The following CCDC92B variants were observed in gnomAD, a reference collection of about 807,000 sequenced individuals.
CCDC92B encodes coiled-coil domain-containing 92B.
In CCDC92B, 2 loss-of-function variants were observed where a neutral mutation model predicts 5.6. The observed-to-expected ratio is 0.36, with a 90% CI of 0.15 to 1.12. The LOEUF is 1.12. Ranked by LOEUF, CCDC92B falls within the 50% of genes most tolerant of loss-of-function variation. CCDC92B has a pLI of 0.40. For synonymous variants in CCDC92B, 115 were observed against 122.3 expected (o/e 0.94, Z 0.39); for missense variants, 271 against 262.2 (o/e 1.03, Z -0.23).
chr17:2,743,534 T>C (rs2070948628), intron 1 of CCDC92B, among the ~76,000 whole-genome samples: 1 of 152,228 alleles, frequency 6.6e-6, no homozygotes, highest in Non-Finnish European at 1.5e-5. Context: ...CCCAAAGTTC[T>C]TATGAGCCCT....
rs2070664032 is a variant in CCDC92B, at chr17:2,722,128, T to G, written c.*2283A>C. On this transcript the variant is annotated 3_prime_UTR_variant, in exon 4 of 4. Transcript: ENST00000614400. ...CCTGTTCACCCCAAAAGTGTGGTCG[T>G]GGGAGATGAGGGTCTGTGCACGCTC... 6.6e-6 allele frequency: 1 copy of G among 151,934 alleles called. No individual in the cohort carries two copies. The highest frequency in any genetic ancestry group is 1.5e-5 in the Non-Finnish European group (1 of 67,962). 9.4% of individuals were successfully genotyped at this position (151,934 alleles called of 1,614,324 possible).
chr17:2,723,821 G>A lies in CCDC92B; in HGVS notation c.*590C>T, dbSNP rs962089320. ...ATCAGGCGCACTTTTCCCACCAGGGGCTCTGGGAGGACGTGTCTTCTAAAG... is the reference window on the plus strand; with the variant it reads ...ATCAGGCGCACTTTTCCCACCAGGGACTCTGGGAGGACGTGTCTTCTAAAG... On this transcript the variant is annotated 3_prime_UTR_variant, in exon 4 of 4. Coordinates refer to ENST00000614400, the MANE Select transcript of CCDC92B (RefSeq NM_001355573.2). 2 of 365,356 alleles carry A rather than the reference G, an allele frequency of 5.5e-6. No homozygotes were observed. Among genetic ancestry groups the A allele is most frequent in the East Asian group, 1.6e-4 (1 of 6,078 alleles). The allele number at this position is 365,356 out of a possible 1,614,324, so 22.6% of individuals were successfully genotyped here.
At position 2,723,814 on chromosome 17, in the gene CCDC92B, A is replaced by T; in HGVS notation, c.*597T>A. 2.9e-6 allele frequency: 1 copy of T among 344,696 alleles called. No homozygotes were observed. Among genetic ancestry groups the T allele is most frequent in the Non-Finnish European group, 4.1e-6 (1 of 244,002 alleles). The allele number at this position is 344,696 out of a possible 1,614,324, so 21.4% of individuals were successfully genotyped here. On this transcript the variant is annotated 3_prime_UTR_variant, in exon 4 of 4. Coordinates refer to ENST00000614400, the MANE Select transcript of CCDC92B (RefSeq NM_001355573.2). ...GGCTTCCATCAGGCGCACTTTTCCC[A>T]CCAGGGGCTCTGGGAGGACGTGTCT...
chr17:2,736,773 C>T (rs1298863704), intron 1 of CCDC92B, among the ~76,000 whole-genome samples: 14 of 151,426 alleles, frequency 9.2e-5, no homozygotes, highest in Non-Finnish European at 1.2e-4. Context: ...CTCAGCTACT[C>T]GGGAGGCTGA....
chr17:2,721,560 G>A lies in CCDC92B; in HGVS notation c.*2851C>T, dbSNP rs997704520. Reference sequence around the variant, plus strand: ...GAGAGTTGGGCCCCTGTGGCCAAGAGCGGGCCATGCACTCCAGCTCCCAGT... The same window carrying A: ...GAGAGTTGGGCCCCTGTGGCCAAGAACGGGCCATGCACTCCAGCTCCCAGT... On this transcript the variant is annotated 3_prime_UTR_variant, in exon 4 of 4. Transcript: ENST00000614400. 1.3e-5 allele frequency: 2 copies of A among 152,340 alleles called. No homozygotes were observed. Among genetic ancestry groups the A allele is most frequent in the African/African-American group, 4.8e-5 (2 of 41,468 alleles). 9.4% of individuals were successfully genotyped at this position (152,340 alleles called of 1,614,324 possible). A position where few individuals can be genotyped will look rare whatever the true frequency, so the allele number is the denominator to read the frequency against.
Position 2,724,341 on chromosome 17 carries a change from T to A in CCDC92B, c.*70A>T. On this transcript the variant is annotated 3_prime_UTR_variant, in exon 4 of 4. Coordinates refer to ENST00000614400, the MANE Select transcript of CCDC92B (RefSeq NM_001355573.2). This position sits in a 1 kb window ranked among gnomAD's most constrained non-coding sequence, Gnocchi z 5.0. ...GCTGCCCTCCGACCCGGGACCTGCC[T>A]GCGGGGACCGAGCTGCGTCCCTGGC... is the stretch of plus-strand genomic sequence containing the variant. 2.0e-6 allele frequency: 2 copies of A among 985,066 alleles called. No homozygotes were observed. Among genetic ancestry groups the A allele is most frequent in the African/African-American group, 1.7e-5 (1 of 57,258 alleles). 61.0% of individuals were successfully genotyped at this position (985,066 alleles called of 1,614,324 possible). A position where few individuals can be genotyped will look rare whatever the true frequency, so the allele number is the denominator to read the frequency against.
intron 2 of CCDC92B, among the ~76,000 whole-genome samples, chr17:2,734,774 C>T (rs11650601): frequency 0.22 from 33,542 of 152,028 alleles, 4,499 homozygotes; most frequent in Non-Finnish European, 0.3. Flanking sequence ...AGGTGTGAGC[C>T]ACCGCGCCCA....
At chr17:2,731,319 G>C (rs550888389) in intron 2 of CCDC92B, among the ~76,000 whole-genome samples, 28 of 152,180 alleles carry the variant, frequency 1.8e-4, no homozygotes, top group African/African-American at 5.1e-4. Context: ...AGGTGAGTTT[G>C]ATAATTTTTC....
At chr17:2,742,913 C>T (rs1331659967) in intron 1 of CCDC92B, among the ~76,000 whole-genome samples, 1 of 152,166 alleles carries the variant, frequency 6.6e-6, no homozygotes, top group African/African-American at 2.4e-5. Context: ...TGTTTGATTC[C>T]TCTCTTTCTT....
rs920348523 is a variant in CCDC92B, at chr17:2,720,878, G to C, written c.*3533C>G. 3 of 152,226 alleles carry C rather than the reference G, an allele frequency of 2.0e-5. No individual in the cohort carries two copies. The highest frequency in any genetic ancestry group is 7.2e-5 in the African/African-American group (3 of 41,436). 9.4% of individuals were successfully genotyped at this position (152,226 alleles called of 1,614,324 possible). A position where few individuals can be genotyped will look rare whatever the true frequency, so the allele number is the denominator to read the frequency against. The stretch of plus-strand genomic sequence containing the variant: ...CACAGGGCTCTATTTCTGTGGGTGA[G>C]TGAATACACTCTGAAAAGCATTGGA... On this transcript the variant is annotated 3_prime_UTR_variant, in exon 4 of 4. Transcript: ENST00000614400.
rs544741193 is a variant in CCDC92B at position 2,726,840 on chromosome 17, C to T, written c.179-1840G>A. Among the ~76,000 whole-genome samples, 19 of 151,508 alleles carry T rather than the reference C, an allele frequency of 1.3e-4. No individual in the cohort carries two copies. In the East Asian group the frequency reaches 3.7e-3, roughly 29 times the overall value. ...ATATTGGCCTGGCTGGTCTCAAACT[C>T]CTGACCTTGTGATCCACCCGCCTCG... is the stretch of plus-strand genomic sequence containing the variant. On this transcript the variant is annotated intron_variant, in intron 3 of 3. Coordinates refer to ENST00000614400, the MANE Select transcript of CCDC92B (RefSeq NM_001355573.2).
intron 1 of CCDC92B, among the ~76,000 whole-genome samples, chr17:2,739,093 CGCA>C (rs2070891415): frequency 6.6e-6 from 1 of 150,774 alleles, no homozygotes; most frequent in Non-Finnish European, 1.5e-5. Flanking sequence ...ATAGGGCGGG[CGCA>C]ATGGCTCACG....
chr17:2,743,111 A>G (rs2151745148), intron 1 of CCDC92B, among the ~76,000 whole-genome samples: 1 of 152,222 alleles, frequency 6.6e-6, no homozygotes, highest in Admixed American at 6.5e-5. Context: ...CTTGTTTTCC[A>G]TGCAGGAGCC....
chr17:2,736,883 AAAAT>A (rs71377535), intron 1 of CCDC92B, among the ~76,000 whole-genome samples: 59,092 of 145,712 alleles, frequency 0.41, 13,241 homozygotes, highest in Non-Finnish European at 0.5. Context: ...TCTGTCTCAA[AAAAT>A]AAATAAATAA....
At chr17:2,729,600 T>C (rs1201093708) in intron 3 of CCDC92B, among the ~76,000 whole-genome samples, 1 of 151,840 alleles carries the variant, frequency 6.6e-6, no homozygotes, top group Non-Finnish European at 1.5e-5. Flanking sequence ...GATCTTATAA[T>C]CTGATGATAA....
In CCDC92B at chr17:2,724,271, G is replaced by C. The variant is rs924808389; in HGVS notation, c.*140C>G. The C allele has an allele frequency of 3.0e-6, 3 of 985,342 alleles. No individual in the cohort carries two copies. The highest frequency in any genetic ancestry group is 3.6e-6 in the Non-Finnish European group (3 of 829,882). 61.0% of individuals were successfully genotyped at this position (985,342 alleles called of 1,614,324 possible). The stretch of plus-strand genomic sequence containing the variant: ...CAAAAGGCTGGCGGTTCGGGGATTT[G>C]GGGGGAGCCGGGGCCGCCTCGCCCC... On this transcript the variant is annotated 3_prime_UTR_variant, in exon 4 of 4. Transcript: ENST00000614400. The surrounding 1 kb of genome is among the most constrained non-coding windows in gnomAD (Gnocchi z 5.0).
intron 1 of CCDC92B, chr17:2,748,506 TTGTGTGTGTG>T (rs58659149): frequency 0.028 from 26,840 of 971,788 alleles, 167 homozygotes; most frequent in East Asian, 0.084. Flanking sequence ...TTCATCGTGT[TTGTGTGTGTG>T]TGTGTGTGTG....
chr17:2,733,707 C>G (rs1441801268), intron 2 of CCDC92B, among the ~76,000 whole-genome samples: 2 of 142,350 alleles, frequency 1.4e-5, no homozygotes, highest in South Asian at 2.3e-4. Flanking sequence ...GTCTGTGGAG[C>G]CTTAGGAAGC....
chr17:2,726,083 C>A (rs1447985588), intron 3 of CCDC92B, among the ~76,000 whole-genome samples: 2 of 148,768 alleles, frequency 1.3e-5, no homozygotes, highest in Non-Finnish European at 3.0e-5. Flanking sequence ...GCAACCTTAG[C>A]CTTACGGGTT....
Sources: allele counts gnomAD v4.1 joint callset (sites outside exome capture counted in the v4.1 genomes callset), GRCh38; gene constraint gnomAD v4.1.1; non-coding constraint Gnocchi (gnomAD v3.1); transcripts MANE v1.5; gene names NCBI Gene and HGNC (gene_info 2026-07-23, HGNC 2026-07-21).